TSEN2: variants seen among roughly 807,000 people sequenced by gnomAD.
TSEN2 encodes the protein tRNA splicing endonuclease subunit 2, also known as tRNA-splicing endonuclease subunit Sen2.
Under a neutral mutation model 59.2 loss-of-function variants are expected in TSEN2, and 54 were observed. The observed-to-expected ratio is 0.91, with a 90% CI of 0.73 to 1.14. TSEN2 has a LOEUF of 1.14. Ranked by LOEUF, TSEN2 falls within the 50% of genes most tolerant of loss-of-function variation. The pLI is 0.00. For missense variants in TSEN2, 636 were observed against 576.2 expected (o/e 1.10, Z -1.06); for synonymous variants, 195 against 198.2 (o/e 0.98, Z 0.14).
chr3:12,536,876 A>T (rs1367573969), downstream of TSEN2, among the ~76,000 whole-genome samples: 1 of 151,974 alleles, frequency 6.6e-6, no homozygotes. Context: ...GGTGGCAGGC[A>T]CCTGTAATCC....
At chr3:12,492,624 T>C (rs1381849034) in intron 3 of TSEN2, among the ~76,000 whole-genome samples, 2 of 152,252 alleles carry the variant, frequency 1.3e-5, no homozygotes, top group Admixed American at 6.5e-5. Context: ...ATAAATGTTT[T>C]AGAATATTTA....
At chr3:12,495,787 G>C (rs1171116338) in intron 3 of TSEN2, among the ~76,000 whole-genome samples, 1 of 152,156 alleles carries the variant, frequency 6.6e-6, no homozygotes, top group Non-Finnish European at 1.5e-5. Context: ...GAAGTAATTA[G>C]CCCAAAGGCA....
At chr3:12,480,277 G>A (rs1340373470), upstream of TSEN2, among the ~76,000 whole-genome samples, 3 of 152,134 alleles carry the variant, frequency 2.0e-5, no homozygotes, top group South Asian at 4.2e-4. Context: ...CCCTGGCTCC[G>A]GAACCAAGGC....
At chr3:12,516,449 T>TGTGC (rs1424850546) in intron 6 of TSEN2, among the ~76,000 whole-genome samples, 162 bp from the exon 7 acceptor site, 1 of 16,728 alleles carries the variant, frequency 6.0e-5, no homozygotes, top group Non-Finnish European at 1.4e-4. Context: ...AAAATATATG[T>TGTGC]GTGTGTGTGT....
intron 6 of TSEN2, among the ~76,000 whole-genome samples, chr3:12,506,423 C>A (rs532564887): frequency 2.6e-4 from 40 of 151,950 alleles, no homozygotes; most frequent in Non-Finnish European, 5.0e-4. Flanking sequence ...GGCAAAACCC[C>A]ATCTCTACAA....
chr3:12,528,799 A>G (rs2057274937), intron 8 of TSEN2, 89 bp from the exon 9 acceptor site: 2 of 1,394,846 alleles, frequency 1.4e-6, no homozygotes, highest in Non-Finnish European at 2.0e-6. Context: ...TGGAGAAGAA[A>G]AGTTAATAAA....
At chr3:12,482,413 G>A (rs1259024755), upstream of TSEN2, among the ~76,000 whole-genome samples, 1 of 152,192 alleles carries the variant, frequency 6.6e-6, no homozygotes, top group Non-Finnish European at 1.5e-5. Context: ...GAGCCACCGT[G>A]CCCGGCCAGA....
Position 12,503,717 on chromosome 3 carries a change from A to G in TSEN2, c.764A>G (p.His255Arg), listed in dbSNP as rs976402980. ...CATCCTGGGGACAGAGGGCCTGACCATGAGTACGTGCTGGTCGAGGAAGCG... is the reference window on the plus strand; with the variant it reads ...CATCCTGGGGACAGAGGGCCTGACCGTGAGTACGTGCTGGTCGAGGAAGCG... ...LLHPGDRGPD[H>R]EYVLVEEAEC... Residue 255 changes from histidine to arginine, a missense_variant, in exon 5 of 12, where the codon CAT becomes CGT. Coordinates refer to ENST00000284995, the MANE Select transcript of TSEN2 (RefSeq NM_025265.4). 2.5e-6 allele frequency: 4 copies of G among 1,613,886 alleles called. No individual in the cohort carries two copies. The highest frequency in any genetic ancestry group is 2.7e-5 in the African/African-American group (2 of 74,930).
intron 6 of TSEN2, among the ~76,000 whole-genome samples, chr3:12,510,566 G>C (rs2055336436): frequency 6.6e-6 from 1 of 152,208 alleles, no homozygotes; most frequent in African/African-American, 2.4e-5. Context: ...CCTCGTGCCT[G>C]ACAGCAGCAG....
At chr3:12,497,032 C>G (rs1469873624) in intron 4 of TSEN2, among the ~76,000 whole-genome samples, 1 of 152,234 alleles carries the variant, frequency 6.6e-6, no homozygotes, top group Non-Finnish European at 1.5e-5. Context: ...CCTGCATGTG[C>G]TCAATCCTGC....
intron 1 of TSEN2, among the ~76,000 whole-genome samples, chr3:12,486,383 GATC>G (rs2052615307): frequency 6.6e-6 from 1 of 152,218 alleles, no homozygotes; most frequent in South Asian, 2.1e-4. Flanking sequence ...TGAAACTAGA[GATC>G]ATCTGATTTG....
chr3:12,505,177 A>G lies in TSEN2; in HGVS notation c.855A>G (p.Ile285Met). 2 of 1,610,988 alleles carry G rather than the reference A, an allele frequency of 1.2e-6. No homozygotes were observed. Among genetic ancestry groups the G allele is most frequent in the South Asian group, 1.1e-5 (1 of 91,026 alleles). Residue 285 changes from isoleucine (I) to methionine (M), a missense_variant, in exon 6 of 12, where the codon ATA (isoleucine) becomes ATG (methionine). By Grantham distance (10) the Ile-to-Met change is conservative (BLOSUM62 1). Transcript: ENST00000284995. ...AGTTGGTGCAAAGAAACAGGTTAAT[A>G]TGCAGAAGAAATCCATATAGGATCT... ...NEELVQRNRLICRRNPYRIFE... is the reference protein window; with the variant it reads ...NEELVQRNRLMCRRNPYRIFE...
intron 10 of TSEN2, 101 bp from the exon 11 acceptor site, chr3:12,531,469 A>G (rs929935090): frequency 2.7e-6 from 2 of 734,884 alleles, no homozygotes; most frequent in Non-Finnish European, 4.9e-6. Context: ...CTTGGAGTGC[A>G]CAGTGAGAGG....
chr3:12,502,038 G>GCA (rs754341799), intron 4 of TSEN2, among the ~76,000 whole-genome samples: 8 of 152,186 alleles, frequency 5.3e-5, no homozygotes, highest in Non-Finnish European at 1.2e-4. Context: ...AATCTACTCT[G>GCA]CAAAGTATTG....
At chr3:12,517,297 G>A (rs142309570) in intron 7 of TSEN2, among the ~76,000 whole-genome samples, 204 of 136,610 alleles carry the variant, frequency 1.5e-3, no homozygotes, top group African/African-American at 5.7e-3. Flanking sequence ...GGTGGAGGTT[G>A]CAATGAGCCG....
upstream of TSEN2, among the ~76,000 whole-genome samples, chr3:12,480,528 G>GTTTTTTTTTTTTTTTTTTTTTTTTTTT (rs752340308): frequency 9.8e-5 from 9 of 91,738 alleles, no homozygotes; most frequent in Non-Finnish European, 1.0e-4. Context: ...TTGTTTCTTT[G>GTTTTTTTTTTTTTTTTTTTTTTTTTTT]TTTTTTTTTT....
chr3:12,509,850 A>C (rs1418004979), intron 6 of TSEN2, among the ~76,000 whole-genome samples: 1 of 152,162 alleles, frequency 6.6e-6, no homozygotes, highest in Non-Finnish European at 1.5e-5. Context: ...AGGCCCCACC[A>C]CCTGCCTTTC....
At chr3:12,519,296 A>T in intron 8 of TSEN2, 99 bp downstream of exon 8, 1 of 1,517,968 alleles carries the variant, frequency 6.6e-7, no homozygotes, top group East Asian at 2.3e-5. Flanking sequence ...GATGTTTTCT[A>T]AGAAGGTATC....
chr3:12,522,843 A>G lies in TSEN2; in HGVS notation c.1099+3646A>G, dbSNP rs540750790. On this transcript the variant is annotated intron_variant, in intron 8 of 11. Coordinates refer to ENST00000284995, the MANE Select transcript of TSEN2 (RefSeq NM_025265.4). ...CCAACCTAGTTGACCTTATTTGCCT[A>G]CTGGGGAAGCCAGGCCAGAAGCCAA... 1.8e-3 allele frequency among the ~76,000 whole-genome samples: 271 copies of G among 152,260 alleles called. 1 individual carries two copies. The highest frequency in any genetic ancestry group is 6.4e-3 in the African/African-American group (264 of 41,554).
Sources: gnomAD v4.1 joint callset for allele counts (sites outside exome capture counted in the v4.1 genomes callset) on GRCh38, gnomAD v4.1.1 for gene constraint, MANE v1.5 for transcripts, NCBI Gene and HGNC (gene_info 2026-07-23, HGNC 2026-07-21) for gene names.